The following LRP1B variants were observed in gnomAD, a reference collection of about 807,000 sequenced individuals.
The protein encoded by LRP1B is low-density lipoprotein receptor-related protein 1B.
A neutral mutation model predicts 556.6 loss-of-function variants in LRP1B; 217 were observed. The observed-to-expected ratio is 0.39, with a 90% CI of 0.35 to 0.44. The LOEUF (loss-of-function observed/expected upper bound fraction) is 0.44. Among genes scored for constraint, LRP1B ranks in the 20% least tolerant of loss-of-function variants. The probability of loss-of-function intolerance (pLI) is 1.00; values close to 1 mark genes in which losing one functional copy is unlikely to be tolerated. For missense variants in LRP1B, 5,053 were observed against 5,620.8 expected (o/e 0.90, Z 3.23); for synonymous variants, 2,047 against 1,865.8 (o/e 1.10, Z -2.50).
chr2:140,947,546 C>T (rs920020483), intron 20 of LRP1B, among the ~76,000 whole-genome samples: 5 of 152,178 alleles, frequency 3.3e-5, no homozygotes, highest in African/African-American at 1.2e-4. Context: ...TGCTTTACTT[C>T]GGCAATGGCT....
intron 7 of LRP1B, among the ~76,000 whole-genome samples, chr2:141,134,465 C>A (rs914188377): frequency 2.0e-5 from 3 of 151,918 alleles, no homozygotes; most frequent in Middle Eastern, 3.4e-3. Context: ...TTGCATTTAA[C>A]ATCCCCTATG....
intron 3 of LRP1B, among the ~76,000 whole-genome samples, chr2:141,453,352 A>T (rs2105026814): frequency 1.3e-5 from 2 of 152,236 alleles, no homozygotes; most frequent in South Asian, 4.1e-4. Flanking sequence ...ATTCACCTTG[A>T]ATGCTTTTTC....
rs766840887 is a variant in LRP1B at position 140,423,932 on chromosome 2, TC to T, written c.10414+18571del. 3.3e-5 allele frequency among the ~76,000 whole-genome samples: 5 copies of T among 152,110 alleles called. No individual in the cohort carries two copies. The East Asian group carries it at 9.6e-4, about 29-fold the overall frequency. On this transcript the variant is annotated intron_variant, in intron 66 of 90. Transcript: ENST00000389484. ...TTTTCAGGAAAGAGAAACTACATAA[TC>T]TAAAAATTAAAACTGTATTTATATT...
intron 1 of LRP1B, among the ~76,000 whole-genome samples, chr2:142,095,983 A>C (rs1706350908): frequency 6.6e-6 from 1 of 151,720 alleles, no homozygotes; most frequent in South Asian, 2.1e-4. Flanking sequence ...ACAATTGTGA[A>C]AACCAAGGTG....
Position 141,928,399 on chromosome 2 carries a change from T to C in LRP1B, c.83-117998A>G, listed in dbSNP as rs766852540. On this transcript the variant is annotated intron_variant, in intron 1 of 90. Coordinates refer to ENST00000389484, the MANE Select transcript of LRP1B (RefSeq NM_018557.3). ...TGAAACATATGAAAAATAAAACCTG[T>C]AGACCATTATTTGGGTCTGTAGGAA... is the stretch of plus-strand genomic sequence containing the variant. Among the ~76,000 whole-genome samples, 23 of 152,278 alleles carry C rather than the reference T, an allele frequency of 1.5e-4. No homozygotes were observed. In the Middle Eastern group the frequency reaches 0.014, roughly 90 times the overall value.
At chr2:141,760,449 C>T (rs571489953) in intron 2 of LRP1B, among the ~76,000 whole-genome samples, 1 of 151,918 alleles carries the variant, frequency 6.6e-6, no homozygotes, top group African/African-American at 2.4e-5. Flanking sequence ...TTTTCTCAAA[C>T]AAAAACATAT....
At position 141,341,882 on chromosome 2, in the gene LRP1B, G is replaced by T. The variant is rs189489506; in HGVS notation, c.344-87241C>A. On this transcript the variant is annotated intron_variant, in intron 3 of 90. Coordinates refer to ENST00000389484, the MANE Select transcript of LRP1B (RefSeq NM_018557.3). ...ACTTTGTGTAAAACCAATATTTGGAGGGGTGTTTATGATAGCAGTCAGCAT... is the reference window on the plus strand; with the variant it reads ...ACTTTGTGTAAAACCAATATTTGGATGGGTGTTTATGATAGCAGTCAGCAT... Among the ~76,000 whole-genome samples the T allele has an allele frequency of 2.0e-5, 3 of 152,240 alleles. 1 individual carries two copies. Among genetic ancestry groups the T allele is most frequent in the African/African-American group, 7.2e-5 (3 of 41,554 alleles).
chr2:141,578,396 C>CAA (rs554339088), intron 2 of LRP1B, among the ~76,000 whole-genome samples: 9,800 of 72,974 alleles, frequency 0.13, 418 homozygotes, highest in South Asian at 0.21. Context: ...GAGTCCTTCT[C>CAA]AAAAAAAAAA....
chr2:141,197,395 C>T (rs113941344), intron 6 of LRP1B, among the ~76,000 whole-genome samples: 1 of 152,034 alleles, frequency 6.6e-6, no homozygotes, highest in Admixed American at 6.6e-5. Context: ...AATATGAAAT[C>T]TTATTTATTA....
intron 41 of LRP1B, among the ~76,000 whole-genome samples, chr2:140,642,470 G>A (rs1157834593): frequency 6.6e-6 from 1 of 152,094 alleles, no homozygotes; most frequent in Admixed American, 6.5e-5. Context: ...TTATGATAAT[G>A]TGGGAGAGAA....
chr2:141,854,390 C>T (rs926234143), intron 1 of LRP1B, among the ~76,000 whole-genome samples: 1 of 151,996 alleles, frequency 6.6e-6, no homozygotes, highest in African/African-American at 2.4e-5. Context: ...TTTATCATCT[C>T]TTTAAAATGT....
intron 3 of LRP1B, among the ~76,000 whole-genome samples, chr2:141,319,213 T>G (rs533099128): frequency 6.6e-6 from 1 of 152,120 alleles, no homozygotes; most frequent in Admixed American, 6.6e-5. Context: ...TTTTATTGTT[T>G]TTCATGAACT....
chr2:140,735,470 A>G (rs907208421), intron 35 of LRP1B, among the ~76,000 whole-genome samples: 6 of 152,162 alleles, frequency 3.9e-5, no homozygotes, highest in Non-Finnish European at 5.9e-5. Flanking sequence ...GAGCAAACAG[A>G]CGCTCTAATT....
chr2:141,515,129 C>G (rs1262669793), intron 2 of LRP1B, among the ~76,000 whole-genome samples: 2 of 152,002 alleles, frequency 1.3e-5, no homozygotes, highest in Non-Finnish European at 2.9e-5. Flanking sequence ...ATGGAGAAAC[C>G]CCGTCTCTAC....
intron 3 of LRP1B, among the ~76,000 whole-genome samples, chr2:141,376,563 C>T (rs1689445069): frequency 6.6e-6 from 1 of 152,158 alleles, no homozygotes; most frequent in Non-Finnish European, 1.5e-5. Context: ...TCTAGTAAGT[C>T]ATCTTGATCT....
At chr2:141,632,271 G>T (rs977871064) in intron 2 of LRP1B, among the ~76,000 whole-genome samples, 2 of 152,044 alleles carry the variant, frequency 1.3e-5, no homozygotes, top group African/African-American at 4.8e-5. Context: ...TGTTTATAAA[G>T]ATTCTTAGCA....
chr2:140,762,310 G>C (rs931521671), intron 35 of LRP1B, among the ~76,000 whole-genome samples: 1 of 152,058 alleles, frequency 6.6e-6, no homozygotes, highest in African/African-American at 2.4e-5. Context: ...AAGCAACCAA[G>C]TCTTTCCTAT....
At chr2:141,813,951 A>C (rs1230060159) in intron 1 of LRP1B, among the ~76,000 whole-genome samples, 1 of 152,066 alleles carries the variant, frequency 6.6e-6, no homozygotes, top group Non-Finnish European at 1.5e-5. Context: ...GAGTGGGTTG[A>C]CTGGTCTATG....
At chr2:141,876,669 A>G (rs1469831763) in intron 1 of LRP1B, among the ~76,000 whole-genome samples, 1 of 151,964 alleles carries the variant, frequency 6.6e-6, no homozygotes, top group Non-Finnish European at 1.5e-5. Flanking sequence ...ACTTAATTAC[A>G]GCATGCTGAG....
Sources: allele counts gnomAD v4.1 joint callset (sites outside exome capture counted in the v4.1 genomes callset), GRCh38; gene constraint gnomAD v4.1.1; transcripts MANE v1.5; gene names NCBI Gene and HGNC (gene_info 2026-07-23, HGNC 2026-07-21).